Variants in PLCE1 observed in about 807,000 individuals in gnomAD.
The protein encoded by PLCE1 is 1-phosphatidylinositol 4,5-bisphosphate phosphodiesterase epsilon-1.
A neutral mutation model predicts 242.8 loss-of-function variants in PLCE1; 119 were observed. The observed-to-expected ratio is 0.49, with a 90% CI of 0.42 to 0.57. PLCE1 has a LOEUF of 0.57. Among genes scored for constraint, PLCE1 ranks in the 20% least tolerant of loss-of-function variants. The pLI, the probability that PLCE1 is intolerant of heterozygous loss-of-function variation, is 0.00. For synonymous variants in PLCE1, 945 were observed against 1,017.4 expected (o/e 0.93, Z 1.35); for missense variants, 2,441 against 2,788.8 (o/e 0.88, Z 2.81).
chr10:94,080,201 T>C (rs529404459), intron 2 of PLCE1, among the ~76,000 whole-genome samples: 158 of 152,318 alleles, frequency 1.0e-3, no homozygotes, highest in Non-Finnish European at 2.0e-3. Flanking sequence ...ACAGCACCCC[T>C]GAACCTTGAG....
At chr10:94,065,163 C>G (rs2044164087) in intron 2 of PLCE1, among the ~76,000 whole-genome samples, 1 of 152,182 alleles carries the variant, frequency 6.6e-6, no homozygotes, top group African/African-American at 2.4e-5. Flanking sequence ...TCTCACCCAA[C>G]TCCTGCCTTC....
At chr10:94,175,599 T>C (rs1407451129) in intron 4 of PLCE1, among the ~76,000 whole-genome samples, 1 of 152,198 alleles carries the variant, frequency 6.6e-6, no homozygotes, top group Non-Finnish European at 1.5e-5. Context: ...TACTTTTAAA[T>C]GTACAATTAA....
intron 17 of PLCE1, among the ~76,000 whole-genome samples, chr10:94,270,251 T>C (rs1188508097): frequency 6.6e-6 from 1 of 152,256 alleles, no homozygotes; most frequent in Non-Finnish European, 1.5e-5. Flanking sequence ...AATAGATTTG[T>C]TAAATTCAAT....
chr10:94,170,782 C>G (rs1284637580), intron 3 of PLCE1, among the ~76,000 whole-genome samples: 1 of 152,184 alleles, frequency 6.6e-6, no homozygotes, highest in African/African-American at 2.4e-5. Context: ...AGCCTTCTTT[C>G]CTCTTCCATT....
chr10:94,303,524 G>A (rs2053106211), intron 24 of PLCE1, among the ~76,000 whole-genome samples: 1 of 152,034 alleles, frequency 6.6e-6, no homozygotes, highest in South Asian at 2.1e-4. Context: ...TTTTTTTCTT[G>A]TTTACGATTT....
At chr10:94,276,180 G>T (rs570972421) in intron 19 of PLCE1, among the ~76,000 whole-genome samples, 15 of 152,274 alleles carry the variant, frequency 9.9e-5, no homozygotes, top group African/African-American at 3.6e-4. Flanking sequence ...AAGCCCCCTG[G>T]CATTTGATGA....
At chr10:94,017,063 C>G (rs1291732021) in intron 1 of PLCE1, among the ~76,000 whole-genome samples, 1 of 152,106 alleles carries the variant, frequency 6.6e-6, no homozygotes, top group African/African-American at 2.4e-5. Flanking sequence ...TTGCTCCATC[C>G]CCCACACCTG....
At chr10:94,181,314 T>C (rs2048303393) in intron 4 of PLCE1, among the ~76,000 whole-genome samples, 1 of 152,174 alleles carries the variant, frequency 6.6e-6, no homozygotes, top group Non-Finnish European at 1.5e-5. Flanking sequence ...GGCTCACGCC[T>C]GTAATCCCAG....
intron 3 of PLCE1, among the ~76,000 whole-genome samples, chr10:94,133,207 C>A (rs1176930389): frequency 1.3e-5 from 2 of 151,978 alleles, no homozygotes; most frequent in Non-Finnish European, 2.9e-5. Context: ...GTCTATTGAC[C>A]AGAAAAGCCA....
intron 4 of PLCE1, among the ~76,000 whole-genome samples, chr10:94,190,609 AAAC>A (rs936490864): frequency 1.6e-4 from 24 of 152,314 alleles, no homozygotes; most frequent in African/African-American, 4.1e-4. Flanking sequence ...CTAACTCAAA[AAAC>A]AACAACAACA....
At position 94,031,108 on chromosome 10, in the gene PLCE1, C is replaced by T; in HGVS notation, c.62C>T (p.Ser21Phe). The T allele has an allele frequency of 6.2e-7, 1 of 1,613,754 alleles. No individual in the cohort carries two copies. The highest frequency in any genetic ancestry group is 1.1e-5 in the South Asian group (1 of 91,080). The change falls in exon 2 of 33, where the codon TCT (serine) becomes TTT (phenylalanine). Residue 21 changes from serine (S) to phenylalanine (F), a missense_variant. Around this residue, in one of 5 missense-constraint regions of PLCE1, gnomAD observed 393 missense variants for 378.5 expected, o/e 1.04. Coordinates refer to ENST00000371380, the MANE Select transcript of PLCE1 (RefSeq NM_016341.4). ...CCTGTGACTCAGAGAAAAGTGGTTT[C>T]TGCCCAGTCGGCTGCAGATGAAAGT... Reference protein sequence around the residue: ...LIPVTQRKVVSAQSAADESSE... With the variant: ...LIPVTQRKVVFAQSAADESSE...
chr10:94,055,125 A>G (rs538292212), intron 2 of PLCE1, among the ~76,000 whole-genome samples: 2 of 152,060 alleles, frequency 1.3e-5, no homozygotes, highest in African/African-American at 4.8e-5. Flanking sequence ...GATCTGAAAG[A>G]GGAAAATGAA....
At chr10:94,189,007 A>T (rs998155513) in intron 4 of PLCE1, among the ~76,000 whole-genome samples, 4 of 150,930 alleles carry the variant, frequency 2.7e-5, no homozygotes, top group African/African-American at 9.7e-5. Context: ...GTAAAAAAAA[A>T]AAAAAAAAAA....
At chr10:94,304,816 C>T (rs901265964) in intron 25 of PLCE1, among the ~76,000 whole-genome samples, 171 bp downstream of exon 25, 1 of 152,160 alleles carries the variant, frequency 6.6e-6, no homozygotes, top group Non-Finnish European at 1.5e-5. Flanking sequence ...TATGGCTAGA[C>T]AAGCTGTTGC....
intron 2 of PLCE1, among the ~76,000 whole-genome samples, chr10:94,071,495 G>GTTTTTTTTTTTTTTTTTTGTTTT (rs2044354302): frequency 1.2e-5 from 1 of 83,316 alleles, no homozygotes; most frequent in African/African-American, 5.4e-5. Flanking sequence ...TTTGGTTTTC[G>GTTTTTTTTTTTTTTTTTTGTTTT]TTTTTTTTTT....
intron 27 of PLCE1, among the ~76,000 whole-genome samples, chr10:94,310,474 A>G (rs1006175122): frequency 3.9e-5 from 6 of 152,178 alleles, no homozygotes; most frequent in African/African-American, 1.4e-4. Context: ...CCCAGGCATC[A>G]GTTTTTTTAA....
At chr10:94,196,830 T>C (rs900140399) in intron 4 of PLCE1, among the ~76,000 whole-genome samples, 2 of 152,174 alleles carry the variant, frequency 1.3e-5, no homozygotes, top group African/African-American at 2.4e-5. Context: ...AACAGCTTTA[T>C]TGAGATACAA....
chr10:94,041,321 G>A (rs536673174), intron 2 of PLCE1, among the ~76,000 whole-genome samples: 2 of 151,946 alleles, frequency 1.3e-5, no homozygotes, highest in Non-Finnish European at 2.9e-5. Flanking sequence ...GCTGTCCTCC[G>A]CCTGACCCTC....
intron 4 of PLCE1, among the ~76,000 whole-genome samples, chr10:94,195,579 G>C (rs1452652702): frequency 6.6e-6 from 1 of 152,010 alleles, no homozygotes; most frequent in Non-Finnish European, 1.5e-5. Flanking sequence ...TCCTTTCTCT[G>C]GGATGTTGAA....
Sources: allele counts gnomAD v4.1 joint callset (sites outside exome capture counted in the v4.1 genomes callset), GRCh38; gene constraint gnomAD v4.1.1; regional missense constraint gnomAD v4.1.1; transcripts MANE v1.5; gene names NCBI Gene and HGNC (gene_info 2026-07-23, HGNC 2026-07-21).